The following ABCB4 variants were observed in gnomAD, a reference collection of about 807,000 sequenced individuals.
ABCB4 encodes phosphatidylcholine translocator ABCB4.
In ABCB4, 76 loss-of-function variants were observed where a neutral mutation model predicts 145.7. The observed-to-expected ratio is 0.52, with a 90% CI of 0.43 to 0.63. The LOEUF (loss-of-function observed/expected upper bound fraction) is 0.63, where lower values mean the gene tolerates loss of function less well. Ranked by LOEUF, ABCB4 falls within the 30% of genes least tolerant of loss-of-function variation. The pLI is 0.00. For synonymous variants in ABCB4, 517 were observed against 566.8 expected (o/e 0.91, Z 1.25); for missense variants, 1,234 against 1,553.1 (o/e 0.79, Z 3.45).
chr7:87,451,612 C>T lies in ABCB4; in HGVS notation c.708+11G>A, dbSNP rs748525136. 3 of 1,614,116 alleles carry T rather than the reference C, an allele frequency of 1.9e-6. No homozygotes were observed. Among genetic ancestry groups the T allele is most frequent in the East Asian group, 4.5e-5 (2 of 44,872 alleles). On this transcript the variant is annotated intron_variant, in intron 7 of 27. Transcript: ENST00000649586. ...GGTTAACACACATAAAAAGGCCCAGCTTTCACATACCTTTGCCCAAACGGC... is the reference window on the plus strand; with the variant it reads ...GGTTAACACACATAAAAAGGCCCAGTTTTCACATACCTTTGCCCAAACGGC...
the ABCB4 span, among the ~76,000 whole-genome samples, chr7:87,368,802 A>T: frequency 6.6e-6 from 1 of 152,224 alleles, no homozygotes; most frequent in Non-Finnish European, 1.5e-5. Flanking sequence ...GCAAACAAAC[A>T]GTTCTTGGGG....
rs17149597 is a variant in ABCB4, at chr7:87,442,471, C to T, written c.1356+848G>A. 8.9e-3 allele frequency among the ~76,000 whole-genome samples: 1,354 copies of T among 152,170 alleles called. 18 individuals carry two copies. Among genetic ancestry groups the T allele is most frequent in the African/African-American group, 0.031 (1,281 of 41,524 alleles). On this transcript the variant is annotated intron_variant, in intron 12 of 27. Transcript: ENST00000649586. Reference sequence around the variant, plus strand: ...ATTTTAATATCAGATAAACTCAATGCTCTAAAATTGGGACAACTGAGGAAA... The same window carrying T: ...ATTTTAATATCAGATAAACTCAATGTTCTAAAATTGGGACAACTGAGGAAA...
At chr7:87,374,536 T>G in the ABCB4 span, among the ~76,000 whole-genome samples, 1 of 152,010 alleles carries the variant, frequency 6.6e-6, no homozygotes, top group Non-Finnish European at 1.5e-5. Context: ...TAACCACAAC[T>G]GCAAAAGCTT....
At chr7:87,456,686 C>G (rs761041725) in intron 4 of ABCB4, among the ~76,000 whole-genome samples, 2 of 152,182 alleles carry the variant, frequency 1.3e-5, no homozygotes, top group Non-Finnish European at 2.9e-5. Flanking sequence ...ACAAAATGGA[C>G]TAACACAGAT....
the ABCB4 span, among the ~76,000 whole-genome samples, chr7:87,368,970 A>G: frequency 1.3e-5 from 2 of 152,350 alleles, no homozygotes; most frequent in South Asian, 2.1e-4. Flanking sequence ...TATTACTGCA[A>G]TTAAATTATC....
intron 15 of ABCB4, among the ~76,000 whole-genome samples, chr7:87,429,895 T>A (rs1428477277): frequency 6.7e-6 from 1 of 148,856 alleles, no homozygotes; most frequent in Non-Finnish European, 1.5e-5. Context: ...ATCTAATTTG[T>A]GTCAGGTCTT....
chr7:87,406,636 T>C, intron 25 of ABCB4, 142 bp from the exon 26 acceptor site: 2 of 873,356 alleles, frequency 2.3e-6, no homozygotes, highest in Admixed American at 2.4e-5. Context: ...CTTATACCAT[T>C]GAGGCCAGCA....
the ABCB4 span, among the ~76,000 whole-genome samples, chr7:87,366,386 C>G: frequency 8.5e-5 from 13 of 152,230 alleles, no homozygotes; most frequent in Non-Finnish European, 1.8e-4. Context: ...GGTTATATCA[C>G]CACTACATTG....
chr7:87,382,529 C>G, the ABCB4 span: 1 of 1,613,822 alleles, frequency 6.2e-7, no homozygotes, highest in Non-Finnish European at 8.5e-7. Context: ...TGGCCTATTA[C>G]AGACTTCATG....
chr7:87,368,090 C>T, the ABCB4 span, among the ~76,000 whole-genome samples: 1 of 152,180 alleles, frequency 6.6e-6, no homozygotes, highest in Non-Finnish European at 1.5e-5. Flanking sequence ...TTTCTCTGTG[C>T]CGCAGCTGCA....
At chr7:87,411,274 C>A (rs1441556008) in intron 23 of ABCB4, among the ~76,000 whole-genome samples, 1 of 152,084 alleles carries the variant, frequency 6.6e-6, no homozygotes, top group African/African-American at 2.4e-5. Flanking sequence ...AGAAACATAC[C>A]AAATGATCTT....
In ABCB4 at chr7:87,431,409, T is replaced by C. The variant is rs372476723; in HGVS notation, c.1888A>G (p.Met630Val). 18 of 1,613,958 alleles carry C rather than the reference T, an allele frequency of 1.1e-5. No homozygotes were observed. Among genetic ancestry groups the C allele is most frequent in the East Asian group, 2.2e-5 (1 of 44,888 alleles). The change falls in exon 15 of 28, where the codon ATG (methionine) becomes GTG (valine). Residue 630 changes from methionine (M) to valine (V), a missense_variant. By Grantham distance (21) the Met-to-Val change is conservative. Transcript: ENST00000649586. ...KEGVYFKLVN[M>V]QTSGSQIQSE... The stretch of plus-strand genomic sequence containing the variant: ...AATTCCTGAAAAGCAAGTACCTGCA[T>C]GTTGACAAGTTTGAAGTACACCCCT...
At position 87,423,948 on chromosome 7, in the gene ABCB4, C is replaced by G; in HGVS notation, c.2169G>C (p.Gly723=). 6.2e-7 allele frequency: 1 copy of G among 1,614,024 alleles called. No homozygotes were observed. The highest frequency in any genetic ancestry group is 1.1e-5 in the South Asian group (1 of 91,062). ...VGTVCAIANG[G]LQPAFSVIFS... ...ATATGACTGAAAATGCCGGCTGAAG[C>G]CCCCCATTGGCAATGGCACATACTG... is the stretch of plus-strand genomic sequence containing the variant. The change falls in exon 17 of 28, where the codon GGG becomes GGC. Residue 723 remains glycine (G), a synonymous_variant. Transcript: ENST00000649586.
At chr7:87,385,066 C>A in the ABCB4 span, among the ~76,000 whole-genome samples, 1 of 151,492 alleles carries the variant, frequency 6.6e-6, no homozygotes, top group Non-Finnish European at 1.5e-5. Context: ...TGTTTTTATG[C>A]CAGTAACATG....
At chr7:87,472,798 C>T in intron 2 of ABCB4, 123 bp from the exon 3 acceptor site, 1 of 754,556 alleles carries the variant, frequency 1.3e-6, no homozygotes, top group South Asian at 1.7e-5. Context: ...GTGATGTTCA[C>T]AAAATGTCAA....
chr7:87,472,161 C>T (rs1427601831), intron 3 of ABCB4, among the ~76,000 whole-genome samples: 1 of 152,078 alleles, frequency 6.6e-6, no homozygotes, highest in Admixed American at 6.5e-5. Flanking sequence ...CTATAATAAG[C>T]CAAACTTATA....
At position 87,444,882 on chromosome 7, in the gene ABCB4, T is replaced by C. The variant is rs1168923653; in HGVS notation, c.1099A>G (p.Ile367Val). 1 of 1,608,698 alleles carries C rather than the reference T, an allele frequency of 6.2e-7. No homozygotes were observed. The highest frequency in any genetic ancestry group is 8.5e-7 in the Non-Finnish European group (1 of 1,178,834). Residue 367 changes from isoleucine (I) to valine (V), a missense_variant, in exon 10 of 28, where the codon ATC becomes GTC. By Grantham distance (29) the Ile-to-Val change is conservative. Transcript: ENST00000649586. ...FANARGAAYV[I>V]FDIIDNNPKI... is the part of the protein sequence containing the mutation. ...CTTACATTATCAATAATATCAAAGA[T>C]CACATATGCTGCTCCTCTTGCATTG...
the ABCB4 span, among the ~76,000 whole-genome samples, chr7:87,379,223 T>C: frequency 2.0e-5 from 3 of 152,314 alleles, no homozygotes; most frequent in Non-Finnish European, 4.4e-5. Flanking sequence ...CTCTTTCCTC[T>C]TAACAGTATT....
chr7:87,457,848 A>G (rs1812199517), intron 4 of ABCB4, among the ~76,000 whole-genome samples: 1 of 152,204 alleles, frequency 6.6e-6, no homozygotes, highest in Non-Finnish European at 1.5e-5. Flanking sequence ...TGAGTCTCAA[A>G]GTAAATCAAT....
Sources: gnomAD v4.1 joint callset for allele counts (sites outside exome capture counted in the v4.1 genomes callset) on GRCh38, gnomAD v4.1.1 for gene constraint, MANE v1.5 for transcripts, NCBI Gene and HGNC (gene_info 2026-07-23, HGNC 2026-07-21) for gene names.